ADAM12: variants seen among roughly 807,000 people sequenced by gnomAD.
ADAM12 encodes the protein ADAM metallopeptidase domain 12, also known as disintegrin and metalloproteinase domain-containing protein 12.
Under a neutral mutation model 106.4 loss-of-function variants are expected in ADAM12, and 70 were observed. The ratio of observed to expected loss-of-function variants is 0.66; its 90% CI spans 0.54 to 0.80. The LOEUF (loss-of-function observed/expected upper bound fraction) is 0.80, where lower values mean the gene tolerates loss of function less well. ADAM12 is among the 30% of genes least tolerant of loss of function. The probability of loss-of-function intolerance (pLI) is 0.00; values close to 1 mark genes in which losing one functional copy is unlikely to be tolerated. For missense variants in ADAM12, 1,010 were observed against 1,171.9 expected, an observed-to-expected ratio of 0.86 and a Z score of 2.02; for synonymous variants, 420 against 433.5, an observed-to-expected ratio of 0.97 and a Z score of 0.39.
Position 126,023,474 on chromosome 10 carries a change from T to C in ADAM12, c.2530-3649A>G, listed in dbSNP as rs1953808258. The stretch of plus-strand genomic sequence containing the variant: ...ACCTAAATGTGGGTTTTGATACTCT[T>C]TCACAGTGAGGAATAGAGAAATCCA... On this transcript the variant is annotated intron_variant, in intron 21 of 22. Coordinates refer to ENST00000448723, the MANE Select transcript of ADAM12 (RefSeq NM_001288973.2). Among the ~76,000 whole-genome samples the C allele has an allele frequency of 2.6e-5, 4 of 152,292 alleles. No individual in the cohort carries two copies. The South Asian group carries it at 8.3e-4, about 32-fold the overall frequency.
At chr10:126,325,564 C>A (rs1854272203) in intron 2 of ADAM12, among the ~76,000 whole-genome samples, 1 of 152,204 alleles carries the variant, frequency 6.6e-6, no homozygotes, top group South Asian at 2.1e-4. Context: ...GCTTTGGTTT[C>A]ATGTTCTAAT....
rs142488050 is a variant in ADAM12, at chr10:126,388,357, TGC to T, written c.-214_-213del. 1,026 of 640,170 alleles carry T rather than the reference TGC, an allele frequency of 1.6e-3. No homozygotes were observed. The highest frequency in any genetic ancestry group is 2.5e-3 in the East Asian group (56 of 22,380). The allele number at this position is 640,170 out of a possible 1,614,324, so 39.7% of individuals were successfully genotyped here. A position where few individuals can be genotyped will look rare whatever the true frequency, so the allele number is the denominator to read the frequency against. On this transcript the variant is annotated 5_prime_UTR_variant, in exon 1 of 23. Coordinates refer to ENST00000448723, the MANE Select transcript of ADAM12 (RefSeq NM_001288973.2). This position sits in a 1 kb window ranked among gnomAD's most constrained non-coding sequence, Gnocchi z 4.4. The stretch of plus-strand genomic sequence containing the variant: ...GTTTCCCCCCGTGTGTGTGCGTGCG[TGC>T]GCGCGCGCGCGCCGTTCTGGCACAA...
chr10:126,219,468 T>C (rs945774669), intron 3 of ADAM12, among the ~76,000 whole-genome samples: 1 of 150,170 alleles, frequency 6.7e-6, no homozygotes, highest in African/African-American at 2.4e-5. Context: ...GGTCTTTTTC[T>C]TTTAAGATTG....
intron 3 of ADAM12, among the ~76,000 whole-genome samples, chr10:126,242,815 C>T (rs1466720663): frequency 6.6e-6 from 1 of 152,106 alleles, no homozygotes; most frequent in African/African-American, 2.4e-5. Context: ...GCTCTGGGTT[C>T]ACATGGTGAG....
intron 3 of ADAM12, among the ~76,000 whole-genome samples, chr10:126,258,263 G>A (rs1047996359): frequency 2.0e-5 from 3 of 152,134 alleles, no homozygotes; most frequent in Non-Finnish European, 2.9e-5. Context: ...GTCCTCATTA[G>A]AGTCTGAGTC....
Position 126,121,130 on chromosome 10 carries a change from A to AGTAT in ADAM12, c.417-2907_417-2906insATAC, listed in dbSNP as rs369707256. Among the ~76,000 whole-genome samples, 723 of 75,588 alleles carry AGTAT rather than the reference A, an allele frequency of 9.6e-3. 34 individuals are homozygous for AGTAT. Among genetic ancestry groups the AGTAT allele is most frequent in the African/African-American group, 0.035 (566 of 16,144 alleles). 49.6% of individuals were successfully genotyped at this position (75,588 alleles called of 152,430 possible). On this transcript the variant is annotated intron_variant, in intron 5 of 22. Coordinates refer to ENST00000448723, the MANE Select transcript of ADAM12 (RefSeq NM_001288973.2). Reference sequence around the variant, plus strand: ...TATATAGTATATATATAGTATATATACTATATACTATATATACTATATATA... The same window carrying AGTAT: ...TATATAGTATATATATAGTATATATAGTATCTATATACTATATATACTATATATA...
chr10:126,099,111 T>C (rs1590406576), intron 9 of ADAM12, among the ~76,000 whole-genome samples: 1 of 152,240 alleles, frequency 6.6e-6, no homozygotes, highest in East Asian at 1.9e-4. Flanking sequence ...GTCGTCCTTC[T>C]ATCTGGAATC....
At chr10:126,145,708 A>G (rs1956614140) in intron 4 of ADAM12, 1 of 152,222 alleles carries the variant, frequency 6.6e-6, no homozygotes. Flanking sequence ...GCAAGAACTG[A>G]TTTTTGGTGA....
At position 126,051,584 on chromosome 10, in the gene ADAM12, T is replaced by TCCAGCCAGCCAGCCAG. The variant is rs1225316037; in HGVS notation, c.1610-1916_1610-1915insCTGGCTGGCTGGCTGG. 2.7e-3 allele frequency among the ~76,000 whole-genome samples: 324 copies of TCCAGCCAGCCAGCCAG among 122,256 alleles called. 1 individual carries two copies. The highest frequency in any genetic ancestry group is 4.6e-3 in the African/African-American group (143 of 30,774). The allele number at this position is 122,256 out of a possible 152,430, so 80.2% of individuals were successfully genotyped here. ...ATCCATCCATCCATCCATCCATCCATCCATCCAGCCAGCCAGCCACCTGTC... is the reference window on the plus strand; with the variant it reads ...ATCCATCCATCCATCCATCCATCCATCCAGCCAGCCAGCCAGCCATCCAGCCAGCCAGCCACCTGTC... On this transcript the variant is annotated intron_variant, in intron 14 of 22. Coordinates refer to ENST00000448723, the MANE Select transcript of ADAM12 (RefSeq NM_001288973.2).
At chr10:126,176,039 T>A (rs1957214188) in intron 3 of ADAM12, among the ~76,000 whole-genome samples, 1 of 152,216 alleles carries the variant, frequency 6.6e-6, no homozygotes, top group Non-Finnish European at 1.5e-5. Context: ...GCCCTCACCC[T>A]GCACACCACA....
intron 1 of ADAM12, among the ~76,000 whole-genome samples, chr10:126,363,695 G>A (rs1855813608): frequency 6.6e-6 from 1 of 152,178 alleles, no homozygotes; most frequent in African/African-American, 2.4e-5. Flanking sequence ...AGATGGGAGA[G>A]ACATGGAGAA....
chr10:126,025,544 G>A (rs1177812702), intron 21 of ADAM12, among the ~76,000 whole-genome samples: 1 of 152,144 alleles, frequency 6.6e-6, no homozygotes, highest in African/African-American at 2.4e-5. Flanking sequence ...ATTATGTAGA[G>A]AGACCAAATC....
At chr10:126,357,232 C>A (rs113016200) in intron 1 of ADAM12, among the ~76,000 whole-genome samples, 2 of 151,784 alleles carry the variant, frequency 1.3e-5, no homozygotes, top group East Asian at 1.9e-4. Context: ...ACTTTATATA[C>A]AAAGAAGTCT....
At chr10:126,190,387 A>T (rs1957477792) in intron 3 of ADAM12, among the ~76,000 whole-genome samples, 1 of 151,860 alleles carries the variant, frequency 6.6e-6, no homozygotes, top group Non-Finnish European at 1.5e-5. Context: ...TTGTATTCTT[A>T]GTAGAGATGG....
chr10:126,031,471 C>G (rs1250554923), intron 21 of ADAM12, among the ~76,000 whole-genome samples: 1 of 152,210 alleles, frequency 6.6e-6, no homozygotes, highest in African/African-American at 2.4e-5. Flanking sequence ...CCTGACTGAT[C>G]TACAATCGTG....
At chr10:126,024,851 CAAA>C (rs11392876) in intron 21 of ADAM12, among the ~76,000 whole-genome samples, 261 of 146,158 alleles carry the variant, frequency 1.8e-3, no homozygotes, top group Non-Finnish European at 3.3e-3. Context: ...ACATGGAGAA[CAAA>C]AAAAAAAAGC....
At position 126,066,581 on chromosome 10, in the gene ADAM12, G is replaced by A; in HGVS notation, c.1413+136C>T. ...AGTAAGAGGTGGGTAACACCAACTG[G>A]CGTGAGAAGGAGGGATGGTGCGTGC... On this transcript the variant is annotated intron_variant, in intron 13 of 22. Coordinates refer to ENST00000448723, the MANE Select transcript of ADAM12 (RefSeq NM_001288973.2). The surrounding 1 kb of genome is among the most constrained non-coding windows in gnomAD (Gnocchi z 5.1). 1.3e-6 allele frequency: 1 copy of A among 755,504 alleles called. No individual in the cohort carries two copies. The highest frequency in any genetic ancestry group is 2.2e-6 in the Non-Finnish European group (1 of 447,932). The allele number at this position is 755,504 out of a possible 1,614,324, so 46.8% of individuals were successfully genotyped here.
rs758065477 is a variant in ADAM12 at position 126,071,673 on chromosome 10, G to A, written c.1146-19C>T. ...TGGGTACCTGAGAAAGGAGAGCCCAGAACAGTAAGTCACAGGGCATGGAAT... is the reference window on the plus strand; with the variant it reads ...TGGGTACCTGAGAAAGGAGAGCCCAAAACAGTAAGTCACAGGGCATGGAAT... On this transcript the variant is annotated intron_variant, in intron 11 of 22. Transcript: ENST00000448723. The A allele has an allele frequency of 6.2e-7, 1 of 1,612,942 alleles. No homozygotes were observed. The highest frequency in any genetic ancestry group is 1.1e-5 in the South Asian group (1 of 90,978).
intron 2 of ADAM12, among the ~76,000 whole-genome samples, chr10:126,316,955 T>C (rs10901589): frequency 0.46 from 69,578 of 151,902 alleles, 16,426 homozygotes; most frequent in East Asian, 0.58. Context: ...TCACTAAGTA[T>C]CTCAAGCATG....
Sources: allele counts gnomAD v4.1 joint callset (sites outside exome capture counted in the v4.1 genomes callset), GRCh38; gene constraint gnomAD v4.1.1; non-coding constraint Gnocchi (gnomAD v3.1); transcripts MANE v1.5; gene names NCBI Gene and HGNC (gene_info 2026-07-23, HGNC 2026-07-21).